The following NGF variants were observed in gnomAD, a reference collection of about 807,000 sequenced individuals.
NGF encodes nerve growth factor, also known as beta-nerve growth factor.
In NGF, 4 loss-of-function variants were observed where a neutral mutation model predicts 12.8. That is an observed-to-expected ratio of 0.31 (90% CI 0.15 to 0.72). NGF has a LOEUF of 0.72. Among genes scored for constraint, NGF ranks in the 30% least tolerant of loss-of-function variants. The probability of loss-of-function intolerance (pLI) is 0.69; values close to 1 mark genes in which losing one functional copy is unlikely to be tolerated. For missense variants in NGF, 283 were observed against 330.8 expected, an observed-to-expected ratio of 0.86 and a Z score of 1.12; for synonymous variants, 140 against 130.0, an observed-to-expected ratio of 1.08 and a Z score of -0.52.
intron 2 of NGF, among the ~76,000 whole-genome samples, chr1:115,292,978 G>A (rs371409627): frequency 7.3e-5 from 11 of 151,656 alleles, no homozygotes; most frequent in African/African-American, 2.7e-4. Flanking sequence ...TACATTAATG[G>A]GAACCAAATC....
intron 1 of NGF, among the ~76,000 whole-genome samples, chr1:115,309,127 C>A (rs780379793): frequency 9.2e-5 from 14 of 152,096 alleles, no homozygotes; most frequent in Non-Finnish European, 1.8e-4. Flanking sequence ...AATAAGGTAG[C>A]CTTTGAGCCA....
intron 1 of NGF, among the ~76,000 whole-genome samples, chr1:115,301,017 A>G (rs1654019620): frequency 6.6e-6 from 1 of 152,234 alleles, no homozygotes; most frequent in African/African-American, 2.4e-5. Context: ...AGGAAAGGTC[A>G]GGAGAGATGA....
chr1:115,307,501 C>G (rs564515178), intron 1 of NGF, among the ~76,000 whole-genome samples: 10 of 152,294 alleles, frequency 6.6e-5, no homozygotes, highest in African/African-American at 2.4e-4. Context: ...AATCACTGCA[C>G]AAATCACAAG....
At chr1:115,310,011 C>T (rs892954498) in intron 1 of NGF, among the ~76,000 whole-genome samples, 8 of 152,156 alleles carry the variant, frequency 5.3e-5, no homozygotes, top group African/African-American at 1.9e-4. Flanking sequence ...ACCAAGTGTT[C>T]CTCAATAAAG....
intron 1 of NGF, among the ~76,000 whole-genome samples, chr1:115,326,261 A>T (rs72628780): frequency 0.12 from 17,534 of 152,106 alleles, 1,159 homozygotes; most frequent in East Asian, 0.25. Context: ...GTGTCCTGGC[A>T]CTGTTGTTAC....
chr1:115,326,142 A>G (rs1288589651), intron 1 of NGF, among the ~76,000 whole-genome samples: 1 of 152,034 alleles, frequency 6.6e-6, no homozygotes, highest in East Asian at 1.9e-4. Context: ...GGCACACCAT[A>G]TTTAGAGGTT....
intron 1 of NGF, among the ~76,000 whole-genome samples, chr1:115,313,243 T>G (rs551939172): frequency 3.3e-5 from 5 of 152,326 alleles, no homozygotes; most frequent in African/African-American, 1.2e-4. Context: ...ACTACTTTGG[T>G]CTGTTGTAAT....
At chr1:115,320,071 T>C (rs949473374) in intron 1 of NGF, among the ~76,000 whole-genome samples, 1 of 152,150 alleles carries the variant, frequency 6.6e-6, no homozygotes, top group Non-Finnish European at 1.5e-5. Context: ...AAGTCACTTG[T>C]TGACAGTGCC....
chr1:115,335,003 G>A (rs17033706), intron 1 of NGF, among the ~76,000 whole-genome samples: 29,205 of 152,142 alleles, frequency 0.19, 3,110 homozygotes, highest in East Asian at 0.29. Context: ...AGAATATCAA[G>A]GGATCATCCT....
intron 1 of NGF, among the ~76,000 whole-genome samples, chr1:115,320,240 A>G (rs577372475): frequency 2.6e-5 from 4 of 152,314 alleles, no homozygotes; most frequent in African/African-American, 9.6e-5. Flanking sequence ...CCCAGTGTAA[A>G]TAGTGCCAAA....
At chr1:115,312,223 C>T (rs979100795) in intron 1 of NGF, among the ~76,000 whole-genome samples, 6 of 152,072 alleles carry the variant, frequency 3.9e-5, no homozygotes, top group African/African-American at 9.6e-5. Flanking sequence ...TGTGGTTCAC[C>T]GTAATTTTGT....
intron 1 of NGF, among the ~76,000 whole-genome samples, chr1:115,334,507 T>C (rs1192368567): frequency 6.6e-6 from 1 of 152,166 alleles, no homozygotes; most frequent in Non-Finnish European, 1.5e-5. Flanking sequence ...TGACACTTGG[T>C]GGGACTACAG....
intron 2 of NGF, among the ~76,000 whole-genome samples, chr1:115,291,955 C>A (rs1192860832): frequency 6.6e-6 from 1 of 152,040 alleles, no homozygotes; most frequent in East Asian, 1.9e-4. Context: ...ATACGTGAAC[C>A]AGGGTCACTA....
At chr1:115,308,475 C>T (rs766108665) in intron 1 of NGF, among the ~76,000 whole-genome samples, 1 of 152,120 alleles carries the variant, frequency 6.6e-6, no homozygotes, top group Non-Finnish European at 1.5e-5. Flanking sequence ...AGCTGCTCTC[C>T]GTCATTACAG....
At chr1:115,327,567 G>A (rs981590722) in intron 1 of NGF, among the ~76,000 whole-genome samples, 2 of 152,176 alleles carry the variant, frequency 1.3e-5, no homozygotes, top group Admixed American at 6.5e-5. Context: ...AAGGTAATTC[G>A]TTTCATGCGT....
intron 1 of NGF, among the ~76,000 whole-genome samples, chr1:115,325,955 T>A (rs949369498): frequency 6.6e-6 from 1 of 152,144 alleles, no homozygotes; most frequent in Non-Finnish European, 1.5e-5. Context: ...AAATTCTAAA[T>A]TTGAGATGTC....
chr1:115,293,819 G>A (rs1187964395), intron 1 of NGF, 69 bp from the exon 2 acceptor site: 1 of 152,652 alleles, frequency 6.6e-6, no homozygotes, highest in African/African-American at 2.4e-5. Flanking sequence ...CAGTGGGGAG[G>A]CATGTGCCAA....
intron 1 of NGF, among the ~76,000 whole-genome samples, chr1:115,317,444 T>G (rs181681145): frequency 1.2e-4 from 19 of 152,298 alleles, no homozygotes; most frequent in Admixed American, 9.1e-4. Flanking sequence ...TTTTGGAGCT[T>G]AAAAGCCAGG....
intron 1 of NGF, among the ~76,000 whole-genome samples, chr1:115,337,523 C>A (rs974207311): frequency 6.6e-6 from 1 of 151,896 alleles, no homozygotes; most frequent in African/African-American, 2.4e-5. Flanking sequence ...TGAACCTTGG[C>A]GACCTCTACC....
Sources: gnomAD v4.1 joint callset for allele counts (sites outside exome capture counted in the v4.1 genomes callset) on GRCh38, gnomAD v4.1.1 for gene constraint, MANE v1.5 for transcripts, NCBI Gene and HGNC (gene_info 2026-07-23, HGNC 2026-07-21) for gene names.